CUX1: variants seen among roughly 807,000 people sequenced by gnomAD.
The protein encoded by CUX1 is cut like homeobox 1, also known as protein CASP.
Under a neutral mutation model 158.8 loss-of-function variants are expected in CUX1, and 31 were observed. The observed-to-expected ratio is 0.20, with a 90% CI of 0.15 to 0.26. The LOEUF (loss-of-function observed/expected upper bound fraction) is 0.26. Among genes scored for constraint, CUX1 ranks in the 10% least tolerant of loss-of-function variants. The pLI is 1.00. For synonymous variants in CUX1, 879 were observed against 862.1 expected, an observed-to-expected ratio of 1.02 and a Z score of -0.34; for missense variants, 1,589 against 2,014.6, an observed-to-expected ratio of 0.79 and a Z score of 4.04.
intron 1 of CUX1, among the ~76,000 whole-genome samples, chr7:101,911,291 T>C (rs1482417967): frequency 6.6e-6 from 1 of 152,228 alleles, no homozygotes; most frequent in Non-Finnish European, 1.5e-5. Flanking sequence ...GTGGATGACC[T>C]GAGCCTTGGT....
intron 1 of CUX1, among the ~76,000 whole-genome samples, chr7:101,872,845 G>T (rs1409611134): frequency 1.3e-5 from 2 of 151,712 alleles, no homozygotes; most frequent in Non-Finnish European, 2.9e-5. Context: ...AATCATTTGG[G>T]TATCCTTTTT....
chr7:102,157,532 C>T (rs1309887139), intron 8 of CUX1, among the ~76,000 whole-genome samples: 3 of 152,198 alleles, frequency 2.0e-5, no homozygotes, highest in African/African-American at 7.2e-5. Flanking sequence ...GTAATTCCAG[C>T]ACTTTGGGAG....
intron 20 of CUX1, among the ~76,000 whole-genome samples, chr7:102,219,094 A>ACT (rs1288350343): frequency 1.3e-4 from 19 of 148,534 alleles, no homozygotes; most frequent in Non-Finnish European, 2.9e-4. Flanking sequence ...ACACACACAC[A>ACT]CTATGGCTAT....
At chr7:102,029,774 C>T (rs149474766) in intron 3 of CUX1, among the ~76,000 whole-genome samples, 43 of 152,150 alleles carry the variant, frequency 2.8e-4, no homozygotes, top group African/African-American at 1.0e-3. Context: ...CAGTCTTTTT[C>T]TCAGAACTTC....
intron 2 of CUX1, among the ~76,000 whole-genome samples, chr7:102,022,130 AGT>A (rs926862775): frequency 6.6e-6 from 1 of 152,066 alleles, no homozygotes; most frequent in African/African-American, 2.4e-5. Context: ...AGGGCTCGGG[AGT>A]GTGTGTGTTA....
intron 2 of CUX1, among the ~76,000 whole-genome samples, chr7:101,925,902 C>T (rs2129104891): frequency 6.6e-6 from 1 of 152,246 alleles, no homozygotes; most frequent in African/African-American, 2.4e-5. Flanking sequence ...CACCACTGCA[C>T]TCCAATGTGG....
rs181878946 is a variant in CUX1 at position 101,987,175 on chromosome 7, G to A, written c.142-40923G>A. 2.7e-4 allele frequency among the ~76,000 whole-genome samples: 41 copies of A among 152,248 alleles called. No individual in the cohort carries two copies. The Middle Eastern group carries it at 0.024, about 88-fold the overall frequency. Reference sequence around the variant, plus strand: ...GAGTTGCAGTCATCTGTTTGCTTTCGATTCACTCCCGCATCCCGACACAGT... The same window carrying A: ...GAGTTGCAGTCATCTGTTTGCTTTCAATTCACTCCCGCATCCCGACACAGT... On this transcript the variant is annotated intron_variant, in intron 2 of 23. Coordinates refer to ENST00000292535, the MANE Select transcript of CUX1 (RefSeq NM_181552.4).
At chr7:102,004,878 G>A (rs1010568639) in intron 2 of CUX1, among the ~76,000 whole-genome samples, 2 of 152,214 alleles carry the variant, frequency 1.3e-5, no homozygotes, top group Admixed American at 6.5e-5. Context: ...TAGTCTTGAC[G>A]GAGAAAGAGG....
intron 1 of CUX1, among the ~76,000 whole-genome samples, chr7:101,875,844 A>G (rs1363761095): frequency 6.6e-6 from 1 of 151,510 alleles, no homozygotes; most frequent in Non-Finnish European, 1.5e-5. Context: ...TTTTTTTCCC[A>G]AAATGGAAAT....
intron 1 of CUX1, among the ~76,000 whole-genome samples, chr7:101,863,298 T>A (rs1797644212): frequency 6.6e-6 from 1 of 150,652 alleles, no homozygotes; most frequent in Admixed American, 6.6e-5. Flanking sequence ...GATTCAAGAG[T>A]CCCGCTGGGA....
At chr7:102,194,951 G>A (rs1430880817) in intron 13 of CUX1, among the ~76,000 whole-genome samples, 1 of 151,486 alleles carries the variant, frequency 6.6e-6, no homozygotes, top group African/African-American at 2.4e-5. Flanking sequence ...TTGAACCCAG[G>A]AGCCAGAGGG....
chr7:102,192,440 G>T (rs1794380584), intron 12 of CUX1, among the ~76,000 whole-genome samples: 1 of 152,152 alleles, frequency 6.6e-6, no homozygotes, highest in Admixed American at 6.6e-5. Flanking sequence ...CAGGCTGCTG[G>T]TAAAGATCTG....
chr7:102,148,449 T>G (rs2131467736), intron 8 of CUX1, among the ~76,000 whole-genome samples: 1 of 151,956 alleles, frequency 6.6e-6, no homozygotes. Context: ...TGGGGCATTC[T>G]CAAGAATCAC....
chr7:102,142,420 G>C (rs2131404532), intron 8 of CUX1, among the ~76,000 whole-genome samples: 1 of 152,284 alleles, frequency 6.6e-6, no homozygotes, highest in East Asian at 1.9e-4. Context: ...TAAAAACAAT[G>C]GGTATAGATG....
At chr7:102,114,996 G>A (rs1201019207) in intron 7 of CUX1, among the ~76,000 whole-genome samples, 2 of 152,010 alleles carry the variant, frequency 1.3e-5, no homozygotes, top group Non-Finnish European at 1.5e-5. Flanking sequence ...TAGGTGCTTG[G>A]GATTAGATGA....
chr7:101,816,816 C>T (rs1417695245), upstream of CUX1: 11 of 480,768 alleles, frequency 2.3e-5, no homozygotes, highest in African/African-American at 2.0e-4. Context: ...GCCGGGCAGG[C>T]GCCCGCGCTC....
intron 1 of CUX1, among the ~76,000 whole-genome samples, chr7:101,881,198 G>A (rs1466948548): frequency 1.3e-5 from 2 of 152,160 alleles, no homozygotes; most frequent in African/African-American, 2.4e-5. Flanking sequence ...TGTCTGTCTC[G>A]CTCACCGTAA....
At chr7:102,099,306 G>A (rs1206454301) in intron 5 of CUX1, among the ~76,000 whole-genome samples, 1 of 152,116 alleles carries the variant, frequency 6.6e-6, no homozygotes, top group Non-Finnish European at 1.5e-5. Context: ...TCCTGCTAGA[G>A]AGCGAGGCAT....
In CUX1 at chr7:102,234,149, A is replaced by G. The variant is rs369497583; in HGVS notation, c.3531A>G (p.Lys1177=). The G allele has an allele frequency of 3.7e-6, 6 of 1,603,530 alleles. No individual in the cohort carries two copies. The African/African-American group carries it at 5.4e-5, about 14-fold the overall frequency. Reference sequence around the variant, plus strand: ...AACCCTGGCATAAGCTCAGTCTGAAAGGACGAGAGCCCTTCGTCCGGATGC... The same window carrying G: ...AACCCTGGCATAAGCTCAGTCTGAAGGGACGAGAGCCCTTCGTCCGGATGC... ...RPKPWHKLSL[K]GREPFVRMQL... Residue 1177 remains lysine, a synonymous_variant, in exon 22 of 24, where the codon AAA becomes AAG. Transcript: ENST00000292535.
Sources: gnomAD v4.1 joint callset for allele counts (sites outside exome capture counted in the v4.1 genomes callset) on GRCh38, gnomAD v4.1.1 for gene constraint, MANE v1.5 for transcripts, NCBI Gene and HGNC (gene_info 2026-07-23, HGNC 2026-07-21) for gene names.